Variants in GOLGA8M observed in about 807,000 individuals in gnomAD.
GOLGA8M encodes the protein golgin A8 family member M.
GOLGA8M carries 34 observed loss-of-function variants against 87.7 expected under a neutral mutation model. The ratio of observed to expected loss-of-function variants is 0.39; its 90% CI spans 0.29 to 0.52. GOLGA8M has a LOEUF of 0.52. Ranked by LOEUF, GOLGA8M falls within the 20% of genes least tolerant of loss-of-function variation. The pLI is 0.80. For missense variants in GOLGA8M, 396 were observed against 682.2 expected (o/e 0.58, Z 4.67); for synonymous variants, 138 against 250.2 (o/e 0.55, Z 4.23).
chr15:28,711,119 A>G (rs1474822026), intron 1 of GOLGA8M, among the ~76,000 whole-genome samples: 1 of 151,644 alleles, frequency 6.6e-6, no homozygotes, highest in Admixed American at 6.6e-5. Flanking sequence ...TTAGAAACCT[A>G]TGTGACTGTC....
At chr15:28,706,953 A>G (rs1241576500) in intron 8 of GOLGA8M, among the ~76,000 whole-genome samples, 2 of 143,958 alleles carry the variant, frequency 1.4e-5, no homozygotes, top group Non-Finnish European at 3.0e-5. Context: ...TGTTATTATT[A>G]CCACTGTTTG....
Position 28,702,776 on chromosome 15 carries a change from G to C in GOLGA8M, c.1369-31C>G, listed in dbSNP as rs200754666. ...GCCAAAATATTGCAGTCACATCTCG[G>C]CAGCGACCTGCCCTCAGGTGGCATT... On this transcript the variant is annotated intron_variant, in intron 15 of 18. Coordinates refer to ENST00000563027, the MANE Select transcript of GOLGA8M (RefSeq NM_001282468.3). 1,421 of 1,593,670 alleles carry C rather than the reference G, an allele frequency of 8.9e-4. 4 individuals are homozygous for C. The highest frequency in any genetic ancestry group is 1.1e-3 in the Non-Finnish European group (1,316 of 1,178,366).
chr15:28,704,222 A>C (rs974991485), intron 13 of GOLGA8M, among the ~76,000 whole-genome samples: 1 of 147,976 alleles, frequency 6.8e-6, no homozygotes, highest in South Asian at 2.1e-4. Flanking sequence ...GCAGACTCTG[A>C]GCCTCTTGGC....
chr15:28,712,036 G>A (rs559971868), intron 1 of GOLGA8M: 75 of 984,764 alleles, frequency 7.6e-5, no homozygotes, highest in African/African-American at 2.4e-4. Context: ...GTAACGGAGC[G>A]GGAAGCCCCA....
At chr15:28,706,270 C>T (rs2080026459) in intron 10 of GOLGA8M, 67 bp from the exon 11 acceptor site, 1 of 864,748 alleles carries the variant, frequency 1.2e-6, no homozygotes, top group Non-Finnish European at 1.9e-6. Context: ...CTGCCCTCTC[C>T]CTCTCTGCCC....
At chr15:28,712,720 C>T (rs1376096502), upstream of GOLGA8M, among the ~76,000 whole-genome samples, 3 of 152,036 alleles carry the variant, frequency 2.0e-5, no homozygotes, top group Admixed American at 1.3e-4. Flanking sequence ...TATGTGTGTC[C>T]GTGTGTGCGT....
In GOLGA8M at chr15:28,701,210, T is replaced by C. The variant is rs981106929; in HGVS notation, c.*744A>G. Among the ~76,000 whole-genome samples the C allele has an allele frequency of 4.6e-5, 7 of 151,898 alleles. No homozygotes were observed. The highest frequency in any genetic ancestry group is 8.8e-5 in the Non-Finnish European group (6 of 68,004). ...AGTATCTTCATGAGCCCAGAGCACA[T>C]ACAAATCCTAAGGGCACCACCATAA... is the stretch of plus-strand genomic sequence containing the variant. On this transcript the variant is annotated 3_prime_UTR_variant, in exon 19 of 19. Transcript: ENST00000563027.
At chr15:28,708,914 AAGG>A (rs976357986) in intron 4 of GOLGA8M, among the ~76,000 whole-genome samples, 2 of 136,904 alleles carry the variant, frequency 1.5e-5, no homozygotes, top group Non-Finnish European at 3.1e-5. Flanking sequence ...CGAGCCCAAA[AAGG>A]AGAGGTGGCT....
intron 2 of GOLGA8M, among the ~76,000 whole-genome samples, 200 bp downstream of exon 2, chr15:28,710,287 C>T (rs867396534): frequency 1.1e-4 from 16 of 152,114 alleles, no homozygotes; most frequent in Admixed American, 2.0e-4. Flanking sequence ...CCGTGTTAAC[C>T]AGGATGGTCT....
chr15:28,712,149 C>T, intron 1 of GOLGA8M, 127 bp downstream of exon 1: 2 of 1,536,296 alleles, frequency 1.3e-6, no homozygotes, highest in Non-Finnish European at 1.7e-6. Context: ...ATGGGGGTAG[C>T]CCAAGGCACC....
Position 28,699,418 on chromosome 15 carries a change from C to G in GOLGA8M, c.*2536G>C, listed in dbSNP as rs570960297. ...ACAAATACTCGGCTGAATGAGGTATCGCAAAAGACTGCATGCACTTTGGAG... is the reference window on the plus strand; with the variant it reads ...ACAAATACTCGGCTGAATGAGGTATGGCAAAAGACTGCATGCACTTTGGAG... On this transcript the variant is annotated 3_prime_UTR_variant, in exon 19 of 19. Coordinates refer to ENST00000563027, the MANE Select transcript of GOLGA8M (RefSeq NM_001282468.3). Among the ~76,000 whole-genome samples, 1 of 146,360 alleles carries G rather than the reference C, an allele frequency of 6.8e-6. No individual in the cohort carries two copies. The highest frequency in any genetic ancestry group is 1.5e-5 in the Non-Finnish European group (1 of 67,894).
chr15:28,707,816 G>T lies in GOLGA8M; in HGVS notation c.523C>A (p.Gln175Lys). 1 of 1,586,460 alleles carries T rather than the reference G, an allele frequency of 6.3e-7. No individual in the cohort carries two copies. Residue 175 changes from glutamine to lysine, a missense_variant, in exon 8 of 19, where the codon CAG (glutamine) becomes AAG (lysine). Gln to Lys is a moderately conservative substitution (Grantham distance 53). Transcript: ENST00000563027. ...ACACTCTCTAACTCTCCTTTACGCT[G>T]CAATGAATGTTGCAGGCGGACAGCC... ...DLAVRLQHSL[Q>K]RKGELESVLS...
intron 9 of GOLGA8M, 37 bp from the exon 10 acceptor site, chr15:28,706,543 A>G: frequency 8.1e-7 from 1 of 1,239,528 alleles, no homozygotes; most frequent in Non-Finnish European, 1.2e-6. Flanking sequence ...AAGGGCTGTC[A>G]CTGGTCCTCA....
At position 28,704,890 on chromosome 15, in the gene GOLGA8M, G is replaced by A. The variant is rs1052110313; in HGVS notation, c.1200+269C>T. ...GCATGAGCCACTGCACCTGGCATAA[G>A]GAGCCTGTTATAGCACTGTCTCTTC... On this transcript the variant is annotated intron_variant, in intron 13 of 18. Transcript: ENST00000563027. 576 of 769,254 alleles carry A rather than the reference G, an allele frequency of 7.5e-4. 3 individuals carry two copies. Among genetic ancestry groups the A allele is most frequent in the Non-Finnish European group, 9.3e-4 (452 of 484,804 alleles). 47.7% of individuals were successfully genotyped at this position (769,254 alleles called of 1,614,324 possible).
upstream of GOLGA8M, among the ~76,000 whole-genome samples, chr15:28,713,267 G>T (rs1252500991): frequency 9.9e-5 from 15 of 151,444 alleles, no homozygotes; most frequent in African/African-American, 3.6e-4. Context: ...AACCCCCGAG[G>T]TGGAGCTTGC....
At chr15:28,704,512 G>C (rs2079944670) in intron 13 of GOLGA8M, among the ~76,000 whole-genome samples, 1 of 150,210 alleles carries the variant, frequency 6.7e-6, no homozygotes, top group Non-Finnish European at 1.5e-5. Context: ...CAGAGACTTA[G>C]AGATGCAAAG....
At position 28,705,540 on chromosome 15, in the gene GOLGA8M, CTGA is replaced by C. The variant is rs1249231654; in HGVS notation, c.1071_1073del (p.Ile357_Gln358delinsMet). The C allele has an allele frequency of 6.5e-7, 1 of 1,549,308 alleles. No homozygotes were observed. Among genetic ancestry groups the C allele is most frequent in the Non-Finnish European group, 8.6e-7 (1 of 1,157,152 alleles). On this transcript the variant is annotated inframe_deletion, in exon 12 of 19. Transcript: ENST00000563027. ...GCTGCTGAAGGCTCTTGTGCTGCTCCTGAATCCTCTCCTCCTGCTTCCGAAGCC... is the reference window on the plus strand; with the variant it reads ...GCTGCTGAAGGCTCTTGTGCTGCTCCATCCTCTCCTCCTGCTTCCGAAGCC...
In GOLGA8M at chr15:28,698,802, G is replaced by A. The variant is rs1217661067; in HGVS notation, c.*3152C>T. Among the ~76,000 whole-genome samples the A allele has an allele frequency of 6.9e-6, 1 of 144,782 alleles. No individual in the cohort carries two copies. The highest frequency in any genetic ancestry group is 2.6e-5 in the African/African-American group (1 of 37,744). The allele number at this position is 144,782 out of a possible 152,430, so 95.0% of individuals were successfully genotyped here. On this transcript the variant is annotated 3_prime_UTR_variant, in exon 19 of 19. Transcript: ENST00000563027. ...CAACTTAATAATTTATTACATTACAGTGGCATCACACCAGCAGTCAATAAG... is the reference window on the plus strand; with the variant it reads ...CAACTTAATAATTTATTACATTACAATGGCATCACACCAGCAGTCAATAAG...
At chr15:28,707,895 C>A (rs764530319) in intron 7 of GOLGA8M, 38 bp from the exon 8 acceptor site, 2 of 1,577,644 alleles carry the variant, frequency 1.3e-6, no homozygotes, top group Non-Finnish European at 8.5e-7. Flanking sequence ...CAAAGGACTC[C>A]CCCTGAAGAC....
Sources: gnomAD v4.1 joint callset for allele counts (sites outside exome capture counted in the v4.1 genomes callset) on GRCh38, gnomAD v4.1.1 for gene constraint, MANE v1.5 for transcripts, NCBI Gene and HGNC (gene_info 2026-07-23, HGNC 2026-07-21) for gene names.